CCDC110: variants seen among roughly 807,000 people sequenced by gnomAD.
CCDC110 encodes coiled-coil domain-containing protein 110.
In CCDC110, 70 loss-of-function variants were observed where a neutral mutation model predicts 77.1. That is an observed-to-expected ratio of 0.91 (90% CI 0.75 to 1.11). The LOEUF is 1.11. Among genes scored for constraint, CCDC110 ranks in the 50% least tolerant of loss-of-function variants. CCDC110 has a pLI of 0.00. For missense variants in CCDC110, 868 were observed against 942.9 expected, an observed-to-expected ratio of 0.92 and a Z score of 1.04; for synonymous variants, 295 against 312.5, an observed-to-expected ratio of 0.94 and a Z score of 0.59.
At chr4:185,463,972 A>G (rs1021160750) in intron 2 of CCDC110, among the ~76,000 whole-genome samples, 1 of 152,194 alleles carries the variant, frequency 6.6e-6, no homozygotes, top group Non-Finnish European at 1.5e-5. Flanking sequence ...GCAGAATGTC[A>G]CTTGCTTGAT....
Position 185,458,997 on chromosome 4 carries a change from T to C in CCDC110, c.1590A>G (p.Ile530Met). 1 of 1,600,958 alleles carries C rather than the reference T, an allele frequency of 6.2e-7. No homozygotes were observed. The highest frequency in any genetic ancestry group is 8.5e-7 in the Non-Finnish European group (1 of 1,176,446). ...TTTGTTGCTTCTCTAAAGAAAGTTG[T>C]ATATTTTTTTCCTCTAGAGTTTTAT... Reference protein sequence around the residue: ...GQNKTLEEKNIQLSLEKQQMM... With the variant: ...GQNKTLEEKNMQLSLEKQQMM... Residue 530 changes from isoleucine to methionine, a missense_variant, in exon 6 of 7, where the codon ATA (isoleucine) becomes ATG (methionine). Physicochemically the swap from Ile to Met is conservative, Grantham distance 10. Coordinates refer to ENST00000307588, the MANE Select transcript of CCDC110 (RefSeq NM_152775.4).
intron 3 of CCDC110, 135 bp from the exon 4 acceptor site, chr4:185,462,843 T>G: frequency 9.8e-7 from 1 of 1,024,306 alleles, no homozygotes; most frequent in South Asian, 1.4e-5. Flanking sequence ...TTCACATTCT[T>G]AGGCATTTTG....
In CCDC110 at chr4:185,458,430, T is replaced by C. The variant is rs1172466109; in HGVS notation, c.2157A>G (p.Lys719=). Residue 719 remains lysine (K), a synonymous_variant, in exon 6 of 7, where the codon AAA becomes AAG. Coordinates refer to ENST00000307588, the MANE Select transcript of CCDC110 (RefSeq NM_152775.4). ...METKTDNQIL[K]EELKKHSQEN... Reference sequence around the variant, plus strand: ...CTTGACTATGTTTCTTTAGTTCTTCTTTTAGAATCTGATTATCTGTTTTGG... The same window carrying C: ...CTTGACTATGTTTCTTTAGTTCTTCCTTTAGAATCTGATTATCTGTTTTGG... 11 of 1,598,476 alleles carry C rather than the reference T, an allele frequency of 6.9e-6. No individual in the cohort carries two copies. In the East Asian group the frequency reaches 2.5e-4, roughly 36 times the overall value.
At chr4:185,453,076 G>A (rs1435938128) in intron 6 of CCDC110, among the ~76,000 whole-genome samples, 1 of 151,576 alleles carries the variant, frequency 6.6e-6, no homozygotes, top group Non-Finnish European at 1.5e-5. Context: ...AATATATATC[G>A]GTCTATTAAG....
In CCDC110 at chr4:185,460,065, A is replaced by C. The variant is rs1204387175; in HGVS notation, c.522T>G (p.Thr174=). 6.2e-7 allele frequency: 1 copy of C among 1,613,710 alleles called. No homozygotes were observed. Among genetic ancestry groups the C allele is most frequent in the East Asian group, 2.2e-5 (1 of 44,846 alleles). Residue 174 remains threonine, a synonymous_variant, in exon 6 of 7, where the codon ACT becomes ACG. Transcript: ENST00000307588. ...IHSEDTLTLR[T]STDNLSSNII... ...TGTTTGAAGATAAATTGTCTGTTGA[A>C]GTTCTCAGAGTTAATGTGTCCTCGG...
At chr4:185,461,330 G>C (rs1002118981) in intron 4 of CCDC110, among the ~76,000 whole-genome samples, 171 bp from the exon 5 acceptor site, 1 of 152,004 alleles carries the variant, frequency 6.6e-6, no homozygotes. Context: ...AATCTCTATC[G>C]TTAATCTTTA....
intron 6 of CCDC110, chr4:185,457,782 G>C: frequency 6.9e-7 from 1 of 1,445,954 alleles, no homozygotes; most frequent in Non-Finnish European, 9.1e-7. Context: ...ATATATCTTG[G>C]ATGGAAGCAA....
At chr4:185,455,162 ATTGT>A (rs1285736809) in intron 6 of CCDC110, among the ~76,000 whole-genome samples, 2 of 152,140 alleles carry the variant, frequency 1.3e-5, no homozygotes, top group Non-Finnish European at 2.9e-5. Context: ...TTTTAGTTAT[ATTGT>A]TTGTTTTATA....
At chr4:185,449,599 A>C in intron 6 of CCDC110, 1 of 1,540,068 alleles carries the variant, frequency 6.5e-7, no homozygotes, top group Non-Finnish European at 8.8e-7. Context: ...ATTTTAGGGC[A>C]CTAAATTCAA....
intron 6 of CCDC110, 91 bp downstream of exon 6, chr4:185,458,035 A>T: frequency 1.1e-6 from 1 of 877,454 alleles, no homozygotes; most frequent in Non-Finnish European, 1.6e-6. Flanking sequence ...TATTCATTTT[A>T]AAGTTTCCTC....
intron 6 of CCDC110, chr4:185,452,252 C>T: frequency 1.0e-6 from 1 of 985,374 alleles, no homozygotes; most frequent in Non-Finnish European, 1.2e-6. Context: ...TGTTATGATG[C>T]CTGTATGACT....
intron 2 of CCDC110, among the ~76,000 whole-genome samples, chr4:185,466,572 T>A (rs1035628259): frequency 4.1e-5 from 2 of 48,966 alleles, no homozygotes; most frequent in Non-Finnish European, 7.2e-5. Context: ...TCAAGAGGGA[T>A]TTTTTTTCTT....
At chr4:185,452,216 C>T (rs1440503872) in intron 6 of CCDC110, 2 of 985,320 alleles carry the variant, frequency 2.0e-6, no homozygotes, top group East Asian at 1.1e-4. Flanking sequence ...CTATTGACAA[C>T]TTACACATCT....
Position 185,459,543 on chromosome 4 carries a change from C to T in CCDC110, c.1044G>A (p.Met348Ile), listed in dbSNP as rs1561161264. Reference protein sequence around the residue: ...RKCKKLSKSEMHRGKKNEKNN... With the variant: ...RKCKKLSKSEIHRGKKNEKNN... Reference sequence around the variant, plus strand: ...TTTTCTCATTTTTCTTTCCCCTGTGCATTTCACTCTTAGATAACTTTTTAC... The same window carrying T: ...TTTTCTCATTTTTCTTTCCCCTGTGTATTTCACTCTTAGATAACTTTTTAC... The change falls in exon 6 of 7, where the codon ATG becomes ATA. Residue 348 changes from methionine (M) to isoleucine (I), a missense_variant. Met to Ile is a conservative substitution (Grantham distance 10). Transcript: ENST00000307588. 1 of 1,612,980 alleles carries T rather than the reference C, an allele frequency of 6.2e-7. No homozygotes were observed. The highest frequency in any genetic ancestry group is 8.5e-7 in the Non-Finnish European group (1 of 1,179,394).
intron 2 of CCDC110, among the ~76,000 whole-genome samples, chr4:185,464,219 T>C (rs1268935371): frequency 6.6e-6 from 1 of 152,132 alleles, no homozygotes; most frequent in African/African-American, 2.4e-5. Flanking sequence ...CTCCTTTGGA[T>C]TGGCAGGCTG....
At chr4:185,457,882 TC>T in intron 6 of CCDC110, 1 of 910,396 alleles carries the variant, frequency 1.1e-6, no homozygotes, top group Non-Finnish European at 1.6e-6. Flanking sequence ...AATAATTAAC[TC>T]CCTCTTGCTC....
rs867031493 is a variant in CCDC110 at position 185,470,536 on chromosome 4, G to A, written c.115+409C>T. The A allele has an allele frequency of 5.0e-4, 190 of 382,894 alleles. 2 individuals carry two copies. In the Middle Eastern group the frequency reaches 9.0e-3, roughly 18 times the overall value. 23.7% of individuals were successfully genotyped at this position (382,894 alleles called of 1,614,324 possible). A position where few individuals can be genotyped will look rare whatever the true frequency, so the allele number is the denominator to read the frequency against. On this transcript the variant is annotated intron_variant, in intron 2 of 6. Transcript: ENST00000307588. ...AACTCCCAGATACCGAGGGCTGACT[G>A]CATATCGTTTTAGTGTGTGTCCAAA...
chr4:185,447,422 C>T lies in CCDC110; in HGVS notation c.2462-1880G>A, dbSNP rs1295912129. Among the ~76,000 whole-genome samples the T allele has an allele frequency of 4.6e-5, 7 of 152,178 alleles. No homozygotes were observed. The East Asian group carries it at 7.7e-4, about 17-fold the overall frequency. ...GACTTGATCTCCTGACCTCGTGATC[C>T]ACCCACCTTGGCCTCCCAAAGTGCT... On this transcript the variant is annotated intron_variant, in intron 6 of 6. Transcript: ENST00000307588.
intron 2 of CCDC110, among the ~76,000 whole-genome samples, chr4:185,467,184 A>G (rs1403228615): frequency 6.6e-6 from 1 of 152,226 alleles, no homozygotes; most frequent in East Asian, 1.9e-4. Flanking sequence ...TGCATTTTAG[A>G]TTCATGGTAT....
Sources: allele counts gnomAD v4.1 joint callset (sites outside exome capture counted in the v4.1 genomes callset), GRCh38; gene constraint gnomAD v4.1.1; transcripts MANE v1.5; gene names NCBI Gene and HGNC (gene_info 2026-07-23, HGNC 2026-07-21).